Variants in RALGAPA1 observed in about 807,000 individuals in gnomAD.
RALGAPA1 encodes Ral GTPase activating protein catalytic subunit alpha 1.
Under a neutral mutation model 269.6 loss-of-function variants are expected in RALGAPA1, and 52 were observed. That is an observed-to-expected ratio of 0.19 (90% confidence interval 0.15 to 0.24). The LOEUF (loss-of-function observed/expected upper bound fraction) is 0.24. Among genes scored for constraint, RALGAPA1 ranks in the 10% least tolerant of loss-of-function variants. The pLI is 1.00. For missense variants in RALGAPA1, 1,917 were observed against 3,013.9 expected (o/e 0.64, Z 8.52); for synonymous variants, 817 against 1,008.3 (o/e 0.81, Z 3.60).
chr14:35,584,455 A>G (rs2058148142), intron 37 of RALGAPA1, among the ~76,000 whole-genome samples: 1 of 152,104 alleles, frequency 6.6e-6, no homozygotes, highest in African/African-American at 2.4e-5. Flanking sequence ...TGTATAAACA[A>G]GGTTTCACCA....
chr14:35,735,180 C>G (rs930394176), intron 12 of RALGAPA1, among the ~76,000 whole-genome samples: 1 of 152,090 alleles, frequency 6.6e-6, no homozygotes, highest in Non-Finnish European at 1.5e-5. Flanking sequence ...AAAAGTAGAA[C>G]TGTCATTTTA....
At chr14:35,573,218 A>T (rs1458411820) in intron 37 of RALGAPA1, among the ~76,000 whole-genome samples, 1 of 152,178 alleles carries the variant, frequency 6.6e-6, no homozygotes, top group Non-Finnish European at 1.5e-5. Flanking sequence ...GGGTTTGCTT[A>T]CAAAGGTGTT....
intron 28 of RALGAPA1, among the ~76,000 whole-genome samples, chr14:35,657,529 T>C (rs1270278704): frequency 6.6e-6 from 1 of 151,996 alleles, no homozygotes; most frequent in African/African-American, 2.4e-5. Context: ...TAAAAAGGTA[T>C]AGAAAAACAA....
Position 35,688,588 on chromosome 14 carries a change from T to C in RALGAPA1, c.3823A>G (p.Thr1275Ala). 1 of 1,535,868 alleles carries C rather than the reference T, an allele frequency of 6.5e-7. No individual in the cohort carries two copies. Among genetic ancestry groups the C allele is most frequent in the Non-Finnish European group, 8.7e-7 (1 of 1,146,830 alleles). Residue 1275 changes from threonine (T) to alanine (A), a missense_variant, in exon 18 of 42, where the codon ACT becomes GCT. Thr to Ala is a moderately conservative substitution (Grantham distance 58). Around this residue, in one of 11 missense-constraint regions of RALGAPA1, gnomAD observed 615 missense variants for 790.0 expected, o/e 0.78. Transcript: ENST00000680220. ...QQGSLGGVYK[T>A]VVHALSKPKA... Reference sequence around the variant, plus strand: ...GGCTTCGAAAGAGCATGTACAACAGTTTTATAAACGCCACCCAGGGAGCCC... The same window carrying C: ...GGCTTCGAAAGAGCATGTACAACAGCTTTATAAACGCCACCCAGGGAGCCC...
intron 35 of RALGAPA1, 57 bp downstream of exon 35, chr14:35,625,304 T>C (rs2060926877): frequency 9.0e-7 from 1 of 1,110,672 alleles, no homozygotes. Context: ...ACAGTATTAT[T>C]CTAAAAGAGA....
intron 39 of RALGAPA1, among the ~76,000 whole-genome samples, chr14:35,549,551 A>G (rs1188533296): frequency 2.0e-5 from 3 of 152,182 alleles, no homozygotes; most frequent in East Asian, 1.9e-4. Context: ...AATTTCTATC[A>G]GGAGTCTAGG....
At position 35,541,040 on chromosome 14, in the gene RALGAPA1, A is replaced by ATTTTTTTTTTTTTTTTTTTTTTTTTTTTT. The variant is rs559979336; in HGVS notation, c.*24-1351_*24-1350insAAAAAAAAAAAAAAAAAAAAAAAAAAAAA. Among the ~76,000 whole-genome samples, 46 of 89,170 alleles carry ATTTTTTTTTTTTTTTTTTTTTTTTTTTTT rather than the reference A, an allele frequency of 5.2e-4. 5 individuals are homozygous for ATTTTTTTTTTTTTTTTTTTTTTTTTTTTT. Among genetic ancestry groups the ATTTTTTTTTTTTTTTTTTTTTTTTTTTTT allele is most frequent in the African/African-American group, 7.9e-4 (14 of 17,804 alleles). The allele number at this position is 89,170 out of a possible 152,430, so 58.5% of individuals were successfully genotyped here. On this transcript the variant is annotated intron_variant, in intron 41 of 41. Transcript: ENST00000680220. ...GAATATGTCTTTGCAGAACACTTCA[A>ATTTTTTTTTTTTTTTTTTTTTTTTTTTTT]TTTTTTTTTTTTTTTTTTTTTTTTG... is the stretch of plus-strand genomic sequence containing the variant.
intron 1 of RALGAPA1, among the ~76,000 whole-genome samples, chr14:35,788,083 T>C (rs1349319600): frequency 1.3e-5 from 2 of 152,164 alleles, no homozygotes; most frequent in Admixed American, 6.6e-5. Flanking sequence ...GCGATTCTCC[T>C]GCCTCAGCCT....
intron 31 of RALGAPA1, among the ~76,000 whole-genome samples, chr14:35,643,557 C>T (rs2062176509): frequency 6.6e-6 from 1 of 152,124 alleles, no homozygotes; most frequent in African/African-American, 2.4e-5. Context: ...GAAAGGAAAT[C>T]AGCATATCTA....
chr14:35,704,063 C>T (rs1378743139), intron 16 of RALGAPA1, among the ~76,000 whole-genome samples: 1 of 152,076 alleles, frequency 6.6e-6, no homozygotes, highest in Non-Finnish European at 1.5e-5. Context: ...ATACATTTTC[C>T]TCCTTATTTA....
intron 12 of RALGAPA1, among the ~76,000 whole-genome samples, chr14:35,732,469 T>G (rs918682308): frequency 6.6e-6 from 1 of 152,176 alleles, no homozygotes; most frequent in Non-Finnish European, 1.5e-5. Flanking sequence ...AACTGTAGAA[T>G]GGATAAGAAC....
chr14:35,583,665 C>T (rs1393191028), intron 37 of RALGAPA1, among the ~76,000 whole-genome samples: 1 of 152,002 alleles, frequency 6.6e-6, no homozygotes. Context: ...CACATTTAAA[C>T]TTGGAAAATC....
chr14:35,625,466 C>T lies in RALGAPA1; in HGVS notation c.6858-34G>A, dbSNP rs761204814. 11 of 1,465,388 alleles carry T rather than the reference C, an allele frequency of 7.5e-6. No homozygotes were observed. The Admixed American group carries it at 1.3e-4, about 18-fold the overall frequency. 90.8% of individuals were successfully genotyped at this position (1,465,388 alleles called of 1,614,324 possible). ...AGAGATTTATAAACATTTTCATCACCTTTGCAGTGAATGACAAGACAGTCC... is the reference window on the plus strand; with the variant it reads ...AGAGATTTATAAACATTTTCATCACTTTTGCAGTGAATGACAAGACAGTCC... On this transcript the variant is annotated intron_variant, in intron 34 of 41. Coordinates refer to ENST00000680220, the MANE Select transcript of RALGAPA1 (RefSeq NM_001346249.2).
chr14:35,550,442 T>C (rs1243078675), intron 39 of RALGAPA1, among the ~76,000 whole-genome samples: 1 of 152,092 alleles, frequency 6.6e-6, no homozygotes, highest in South Asian at 2.1e-4. Context: ...AATTCCTTAT[T>C]TTTTAAAAAA....
intron 41 of RALGAPA1, among the ~76,000 whole-genome samples, chr14:35,544,667 T>C (rs1427657200): frequency 6.6e-6 from 1 of 152,156 alleles, no homozygotes. Context: ...ATTTCCAAGT[T>C]CAAAGTATCA....
chr14:35,760,881 A>G lies in RALGAPA1; in HGVS notation c.495T>C (p.His165=), dbSNP rs1230598391. The G allele has an allele frequency of 2.5e-6, 4 of 1,612,554 alleles. No individual in the cohort carries two copies. Among genetic ancestry groups the G allele is most frequent in the Middle Eastern group, 1.8e-4 (1 of 5,696 alleles). The change falls in exon 6 of 42, where the codon CAT becomes CAC. Residue 165 remains histidine (H), a synonymous_variant. Coordinates refer to ENST00000680220, the MANE Select transcript of RALGAPA1 (RefSeq NM_001346249.2). ...TGAGATTATCTAAAGTTCGAGGTCC[A>G]TGTTCAGACTGTGGTGCTGAAAATC... ...IPGFSAPQSE[H]GPRTLDNLIN...
chr14:35,601,947 A>G (rs1446377653), intron 36 of RALGAPA1, among the ~76,000 whole-genome samples: 2 of 152,096 alleles, frequency 1.3e-5, no homozygotes, highest in South Asian at 2.1e-4. Context: ...AAGAAACCCC[A>G]TATCTTTTAG....
rs914382989 is a variant in RALGAPA1, at chr14:35,717,474, C to A, written c.2266+4214G>T. Among the ~76,000 whole-genome samples, 7 of 152,178 alleles carry A rather than the reference C, an allele frequency of 4.6e-5. No homozygotes were observed. In the South Asian group the frequency reaches 1.4e-3, roughly 32 times the overall value. The stretch of plus-strand genomic sequence containing the variant: ...CTATTCTACACCATTTTTAATAGCA[C>A]AAAATTATAAAATGTATATTCATCT... On this transcript the variant is annotated intron_variant, in intron 16 of 41. Coordinates refer to ENST00000680220, the MANE Select transcript of RALGAPA1 (RefSeq NM_001346249.2).
In RALGAPA1 at chr14:35,683,733, C is replaced by A. The variant is rs548659435; in HGVS notation, c.4471+76G>T. On this transcript the variant is annotated intron_variant, in intron 21 of 41. Transcript: ENST00000680220. Reference sequence around the variant, plus strand: ...AATAGTAATAAGTAATACTTAAAATCTCTCAAAATTTTAATCAAATTCTTT... The same window carrying A: ...AATAGTAATAAGTAATACTTAAAATATCTCAAAATTTTAATCAAATTCTTT... The A allele has an allele frequency of 8.6e-5, 97 of 1,128,026 alleles. 1 individual carries two copies. The African/African-American group carries it at 1.5e-3, about 17-fold the overall frequency. The allele number at this position is 1,128,026 out of a possible 1,614,324, so 69.9% of individuals were successfully genotyped here. A position where few individuals can be genotyped will look rare whatever the true frequency, so the allele number is the denominator to read the frequency against.
Sources: allele counts gnomAD v4.1 joint callset (sites outside exome capture counted in the v4.1 genomes callset), GRCh38; gene constraint gnomAD v4.1.1; regional missense constraint gnomAD v4.1.1; transcripts MANE v1.5; gene names NCBI Gene and HGNC (gene_info 2026-07-23, HGNC 2026-07-21).